The following CUL4B variants were observed in gnomAD, a reference collection of about 807,000 sequenced individuals.
The protein encoded by CUL4B is cullin-4B.
Under a neutral mutation model 69.2 loss-of-function variants are expected in CUL4B, and 1 was observed. The ratio of observed to expected loss-of-function variants is 0.01; its 90% CI spans 0.01 to 0.07. The LOEUF (loss-of-function observed/expected upper bound fraction) is 0.07, where lower values mean the gene tolerates loss of function less well. Ranked by LOEUF, CUL4B falls within the 10% of genes least tolerant of loss-of-function variation. The pLI is 1.00. For missense variants in CUL4B, 328 were observed against 638.8 expected, an observed-to-expected ratio of 0.51 and a Z score of 5.24; for synonymous variants, 237 against 223.2, an observed-to-expected ratio of 1.06 and a Z score of -0.55.
At chrX:120,534,393 A>T in intron 17 of CUL4B, 88 bp downstream of exon 17, 7 of 659,809 alleles carry the variant, frequency 1.1e-5, no homozygotes, top group Non-Finnish European at 1.8e-5. Context: ...AACAGTTCTG[A>T]GGCAAGGAAT....
upstream of CUL4B, chrX:120,561,290 C>A: frequency 1.9e-6 from 1 of 539,089 alleles, no homozygotes; most frequent in Non-Finnish European, 3.4e-6. Flanking sequence ...TTCCTGGCAG[C>A]GCCTTCCTTC....
intron 10 of CUL4B, among the ~76,000 whole-genome samples, chrX:120,541,115 T>C (rs1351232494): frequency 8.9e-6 from 1 of 112,642 alleles, no homozygotes; most frequent in Non-Finnish European, 1.9e-5. Flanking sequence ...AATCAGGTTT[T>C]ATAGCTGATA....
chrX:120,545,116 A>G (rs1924237099), intron 5 of CUL4B, among the ~76,000 whole-genome samples: 1 of 112,134 alleles, frequency 8.9e-6, no homozygotes, highest in Non-Finnish European at 1.9e-5. Flanking sequence ...TCGTGTATAC[A>G]TGGACTTTTG....
At chrX:120,569,581 C>T (rs1436246416), downstream of CUL4B, among the ~76,000 whole-genome samples, 2 of 111,175 alleles carry the variant, frequency 1.8e-5, no homozygotes, top group East Asian at 2.8e-4. Context: ...AGGATGGTCT[C>T]GATCTCCTGA....
chrX:120,560,630 T>C lies in CUL4B; in HGVS notation c.9A>G (p.Pro3=), dbSNP rs1855201098. The C allele has an allele frequency of 1.7e-6, 2 of 1,200,276 alleles. No individual in the cohort carries two copies. Among genetic ancestry groups the C allele is most frequent in the Admixed American group, 4.4e-5 (2 of 45,503 alleles). The part of the protein sequence containing the change: MF[P]TGFSSPSPSA... ...AGGGACTGGGGGAAGAAAAACCTGT[T>C]GGAAACATGAAAATAGCGGGGTCAA... The change falls in exon 1 of 20, where the codon CCA becomes CCG. Residue 3 remains proline (P), a synonymous_variant. Coordinates refer to ENST00000371322, the MANE Select transcript of CUL4B (RefSeq NM_001079872.2).
intron 2 of CUL4B, among the ~76,000 whole-genome samples, chrX:120,555,941 C>CAAAAA (rs752944156): frequency 2.4e-5 from 1 of 41,953 alleles, no homozygotes; most frequent in African/African-American, 8.0e-5. Context: ...GACTCCATCT[C>CAAAAA]AAAAAAAAAA....
Position 120,526,113 on chromosome X carries a change from T to C in CUL4B, c.*648A>G, listed in dbSNP as rs1922950777. The C allele has an allele frequency of 8.9e-6, 1 of 112,322 alleles. No homozygotes were observed. Among genetic ancestry groups the C allele is most frequent in the Non-Finnish European group, 1.9e-5 (1 of 53,340 alleles). 9.3% of individuals were successfully genotyped at this position (112,322 alleles called of 1,213,427 possible). On this transcript the variant is annotated 3_prime_UTR_variant, in exon 20 of 20. Coordinates refer to ENST00000371322, the MANE Select transcript of CUL4B (RefSeq NM_001079872.2). ...CACATCCCATACTCATAAATGAAAA[T>C]TTTTAGGATGTGAATATACAAGATA...
chrX:120,560,727 A>AG lies in CUL4B; in HGVS notation c.-90dup. On this transcript the variant is annotated 5_prime_UTR_variant, in exon 1 of 20. Coordinates refer to ENST00000371322, the MANE Select transcript of CUL4B (RefSeq NM_001079872.2). ...GTAGGAGAGAAGGTAGCAATGCTAGAGGGGGAAGGGAAGAAAGAAGAGAGG... is the reference window on the plus strand; with the variant it reads ...GTAGGAGAGAAGGTAGCAATGCTAGAGGGGGGAAGGGAAGAAAGAAGAGAGG... 1 of 1,027,718 alleles carries AG rather than the reference A, an allele frequency of 9.7e-7. No individual in the cohort carries two copies. Among genetic ancestry groups the AG allele is most frequent in the Non-Finnish European group, 1.3e-6 (1 of 791,859 alleles). The allele number at this position is 1,027,718 out of a possible 1,213,427, so 84.7% of individuals were successfully genotyped here. A position where few individuals can be genotyped will look rare whatever the true frequency, so the allele number is the denominator to read the frequency against.
In CUL4B at chrX:120,535,816, G is replaced by A; in HGVS notation, c.2160+14C>T. The A allele has an allele frequency of 1.9e-6, 2 of 1,076,965 alleles. No individual in the cohort carries two copies. The highest frequency in any genetic ancestry group is 1.8e-5 in the South Asian group (1 of 54,121). 88.8% of individuals were successfully genotyped at this position (1,076,965 alleles called of 1,213,427 possible). ...TAAAGATGAAAACTAAAAGTTTTGG[G>A]AACATCCACTTACCTCTTTAAATTC... On this transcript the variant is annotated intron_variant, in intron 16 of 19. Transcript: ENST00000371322.
rs113751799 is a variant in CUL4B, at chrX:120,552,126, C to T, written c.673-4887G>A. Reference sequence around the variant, plus strand: ...ATGTATTTTTACATATTATGCATTACGTATTTATTATTTACACTAATAAAA... The same window carrying T: ...ATGTATTTTTACATATTATGCATTATGTATTTATTATTTACACTAATAAAA... On this transcript the variant is annotated intron_variant, in intron 2 of 19. Coordinates refer to ENST00000371322, the MANE Select transcript of CUL4B (RefSeq NM_001079872.2). 8.6e-3 allele frequency among the ~76,000 whole-genome samples: 959 copies of T among 111,953 alleles called. 10 individuals are homozygous for T. Among genetic ancestry groups the T allele is most frequent in the African/African-American group, 0.028 (875 of 30,797 alleles).
At chrX:120,540,283 T>C in intron 11 of CUL4B, 87 bp downstream of exon 11, 1 of 875,122 alleles carries the variant, frequency 1.1e-6, no homozygotes, top group South Asian at 2.1e-5. Flanking sequence ...GAATTAGTAA[T>C]ACTACAACCT....
At chrX:120,539,230 T>A (rs1923846191) in intron 12 of CUL4B, 38 bp downstream of exon 12, 1 of 838,739 alleles carries the variant, frequency 1.2e-6, no homozygotes. Context: ...TGAGTGCTAT[T>A]TTAAAAGAAA....
chrX:120,547,139 C>G lies in CUL4B; in HGVS notation c.773G>C (p.Arg258Thr), dbSNP rs1363985514. The change falls in exon 3 of 20, where the codon AGA becomes ACA. Residue 258 changes from arginine to threonine, a missense_variant. Arg to Thr is a moderately conservative substitution (Grantham distance 71). Around this residue, in one of 4 missense-constraint regions of CUL4B, gnomAD observed 126 missense variants for 202.5 expected, o/e 0.62. Transcript: ENST00000371322. ...DHIKAQIHQFREDSLDSVLFL... is the reference protein window; with the variant it reads ...DHIKAQIHQFTEDSLDSVLFL... ...TTTTTTGTTTTAAAAAGGATATTCT[C>G]TGAATTGATGAATCTGTGCTTTGAT... 5 of 1,184,284 alleles carry G rather than the reference C, an allele frequency of 4.2e-6. No homozygotes were observed. The highest frequency in any genetic ancestry group is 5.7e-6 in the Non-Finnish European group (5 of 871,965).
chrX:120,567,824 T>C (rs990145679), downstream of CUL4B, among the ~76,000 whole-genome samples: 2 of 106,684 alleles, frequency 1.9e-5, no homozygotes, highest in Non-Finnish European at 3.9e-5. Flanking sequence ...CAGTGAGCTA[T>C]GATGGTGCCA....
In CUL4B at chrX:120,543,018, A is replaced by G; in HGVS notation, c.1272T>C (p.Ala424=). The G allele has an allele frequency of 8.4e-7, 1 of 1,185,873 alleles. No individual in the cohort carries two copies. The highest frequency in any genetic ancestry group is 1.1e-6 in the Non-Finnish European group (1 of 873,463). The change falls in exon 9 of 20, where the codon GCT becomes GCC. Residue 424 remains alanine, a synonymous_variant. Transcript: ENST00000371322. ...LDQTTQKSLI[A]TVEKQLLGEH... The stretch of plus-strand genomic sequence containing the variant: ...CACCTAGAAGTTGTTTTTCTACAGT[A>G]GCAATTAATGACTTCCTACAAGGAA...
In CUL4B at chrX:120,525,457, AAAGAG is replaced by A. The variant is rs1446606613; in HGVS notation, c.*1299_*1303del. On this transcript the variant is annotated 3_prime_UTR_variant, in exon 20 of 20. Transcript: ENST00000371322. Reference sequence around the variant, plus strand: ...AAAACAAAAAAAAATCAGTGACAGTAAAGAGAAGCCTTTGCTTGAATTATCAATTC... The same window carrying A: ...AAAACAAAAAAAAATCAGTGACAGTAAAGCCTTTGCTTGAATTATCAATTC... 1.8e-5 allele frequency: 2 copies of A among 112,348 alleles called. No individual in the cohort carries two copies. The highest frequency in any genetic ancestry group is 3.8e-5 in the Non-Finnish European group (2 of 53,286). The allele number at this position is 112,348 out of a possible 1,213,427, so 9.3% of individuals were successfully genotyped here.
upstream of CUL4B, among the ~76,000 whole-genome samples, chrX:120,562,078 C>T (rs969487429): frequency 1.8e-5 from 2 of 111,276 alleles, no homozygotes; most frequent in Admixed American, 1.9e-4. Context: ...ACTAACCCCT[C>T]ACCCACCCAG....
At chrX:120,548,883 G>A (rs1302034090) in intron 2 of CUL4B, among the ~76,000 whole-genome samples, 3 of 111,804 alleles carry the variant, frequency 2.7e-5, no homozygotes, top group Admixed American at 1.9e-4. Flanking sequence ...CTGAATTAAC[G>A]CCAATTACAA....
At chrX:120,535,037 T>C (rs1052176808) in intron 16 of CUL4B, among the ~76,000 whole-genome samples, 1 of 111,770 alleles carries the variant, frequency 8.9e-6, no homozygotes, top group Non-Finnish European at 1.9e-5. Flanking sequence ...TGTCAAGAAG[T>C]GGCAGTGTTA....
Sources: allele counts gnomAD v4.1 joint callset (sites outside exome capture counted in the v4.1 genomes callset), GRCh38; gene constraint gnomAD v4.1.1; regional missense constraint gnomAD v4.1.1; transcripts MANE v1.5; gene names NCBI Gene and HGNC (gene_info 2026-07-23, HGNC 2026-07-21).